PRKG2: variants seen among roughly 807,000 people sequenced by gnomAD.
PRKG2 encodes protein kinase cGMP-dependent 2, also known as cGMP-dependent protein kinase 2.
A neutral mutation model predicts 97.2 loss-of-function variants in PRKG2; 33 were observed. The ratio of observed to expected loss-of-function variants is 0.34; its 90% CI spans 0.26 to 0.45. The LOEUF (loss-of-function observed/expected upper bound fraction) is 0.45, where lower values mean the gene tolerates loss of function less well. Ranked by LOEUF, PRKG2 falls within the 20% of genes least tolerant of loss-of-function variation. The pLI, the probability that PRKG2 is intolerant of heterozygous loss-of-function variation, is 1.00. For synonymous variants in PRKG2, 330 were observed against 321.8 expected (o/e 1.03, Z -0.27); for missense variants, 638 against 900.0 (o/e 0.71, Z 3.73).
At chr4:81,141,332 C>A (rs1747267398) in intron 11 of PRKG2, among the ~76,000 whole-genome samples, 1 of 152,082 alleles carries the variant, frequency 6.6e-6, no homozygotes, top group Admixed American at 6.6e-5. Flanking sequence ...TCTGTACCAT[C>A]CAATATGGTA....
At chr4:81,107,334 TATC>T (rs1358435053) in intron 15 of PRKG2, among the ~76,000 whole-genome samples, 1 of 152,050 alleles carries the variant, frequency 6.6e-6, no homozygotes, top group Non-Finnish European at 1.5e-5. Flanking sequence ...GAATTGATGG[TATC>T]ATCAAGAGAG....
Position 81,152,598 on chromosome 4 carries a change from C to G in PRKG2, c.991-544G>C, listed in dbSNP as rs560341040. Reference sequence around the variant, plus strand: ...GTTGCCCAGAAAGGCTTAAGAACCCCCCACCCAGCAGGGCCAAACAGAAAA... The same window carrying G: ...GTTGCCCAGAAAGGCTTAAGAACCCGCCACCCAGCAGGGCCAAACAGAAAA... On this transcript the variant is annotated intron_variant, in intron 7 of 18. Transcript: ENST00000264399. 2.6e-5 allele frequency among the ~76,000 whole-genome samples: 4 copies of G among 152,222 alleles called. No individual in the cohort carries two copies. The South Asian group carries it at 8.3e-4, about 32-fold the overall frequency.
intron 15 of PRKG2, 51 bp downstream of exon 15, chr4:81,110,396 TA>T: frequency 6.4e-7 from 1 of 1,556,408 alleles, no homozygotes; most frequent in Non-Finnish European, 8.7e-7. Flanking sequence ...CTAGTTAGGT[TA>T]TTTTTGCATT....
intron 1 of PRKG2, among the ~76,000 whole-genome samples, chr4:81,212,507 C>T (rs62302274): frequency 0.027 from 4,047 of 152,154 alleles, 75 homozygotes; most frequent in African/African-American, 0.051. Context: ...TATACTGTGG[C>T]AACTGGGTAA....
chr4:81,107,502 G>T (rs551589354), intron 15 of PRKG2, among the ~76,000 whole-genome samples: 4 of 151,936 alleles, frequency 2.6e-5, no homozygotes, highest in African/African-American at 7.2e-5. Flanking sequence ...AGTGAAGAGA[G>T]TATTTATTTA....
At chr4:81,091,355 T>C (rs1250830585) in intron 18 of PRKG2, among the ~76,000 whole-genome samples, 3 of 152,142 alleles carry the variant, frequency 2.0e-5, no homozygotes, top group Non-Finnish European at 4.4e-5. Flanking sequence ...TGATCTCGGC[T>C]CACTGCAAGC....
intron 12 of PRKG2, among the ~76,000 whole-genome samples, chr4:81,137,747 A>T (rs764129793): frequency 2.6e-5 from 4 of 152,200 alleles, no homozygotes; most frequent in Admixed American, 6.5e-5. Flanking sequence ...AATGTTATCC[A>T]TTCTTCAGGG....
In PRKG2 at chr4:81,140,646, A is replaced by G. The variant is rs766223783; in HGVS notation, c.1431T>C (p.Val477=). 1.1e-5 allele frequency: 17 copies of G among 1,608,896 alleles called. No individual in the cohort carries two copies. The highest frequency in any genetic ancestry group is 3.3e-5 in the Admixed American group (2 of 59,970). Residue 477 remains valine (V), a synonymous_variant, in exon 12 of 19, where the codon GTT becomes GTC. Transcript: ENST00000264399. ...VELVKVKNEN[V]AFAMKCIRKK... ...TCCTTATACACTTCATAGCAAAAGCAACATTCTCATTTTTTACTTTAACCT... is the reference window on the plus strand; with the variant it reads ...TCCTTATACACTTCATAGCAAAAGCGACATTCTCATTTTTTACTTTAACCT...
chr4:81,130,406 C>T (rs376757333), intron 14 of PRKG2, among the ~76,000 whole-genome samples: 1 of 152,240 alleles, frequency 6.6e-6, no homozygotes, highest in East Asian at 1.9e-4. Context: ...CTGGAGCTCT[C>T]CTGTATGAGA....
chr4:81,098,411 C>T (rs1428634854), intron 17 of PRKG2, among the ~76,000 whole-genome samples: 2 of 152,100 alleles, frequency 1.3e-5, no homozygotes, highest in Admixed American at 1.3e-4. Context: ...TGGAGTAACA[C>T]CTTTAATTTC....
chr4:81,184,169 T>C (rs917211265), intron 2 of PRKG2, among the ~76,000 whole-genome samples: 1 of 152,154 alleles, frequency 6.6e-6, no homozygotes, highest in Admixed American at 6.5e-5. Flanking sequence ...CCTCCTCAAG[T>C]GGGTCCCTGA....
chr4:81,181,513 AACACAATG>A (rs1751410342), intron 2 of PRKG2, among the ~76,000 whole-genome samples: 1 of 151,926 alleles, frequency 6.6e-6, no homozygotes, highest in Non-Finnish European at 1.5e-5. Flanking sequence ...GGAAGAAAAT[AACACAATG>A]ACAGCAGAAA....
At chr4:81,140,792 T>C in intron 11 of PRKG2, 123 bp from the exon 12 acceptor site, 1 of 755,324 alleles carries the variant, frequency 1.3e-6, no homozygotes. Flanking sequence ...CTTATCCCTT[T>C]GAGAACTTTC....
In PRKG2 at chr4:81,190,187, G is replaced by A. The variant is rs116948096; in HGVS notation, c.461+14400C>T. Reference sequence around the variant, plus strand: ...ACCTGACTTCAAACTATTGGACATGGCTATAGTAACCAAAACAGCATGGTA... The same window carrying A: ...ACCTGACTTCAAACTATTGGACATGACTATAGTAACCAAAACAGCATGGTA... On this transcript the variant is annotated intron_variant, in intron 2 of 18. Transcript: ENST00000264399. 3.2e-3 allele frequency among the ~76,000 whole-genome samples: 491 copies of A among 152,244 alleles called. 5 individuals are homozygous for A. Among genetic ancestry groups the A allele is most frequent in the East Asian group, 0.031 (159 of 5,182 alleles).
At chr4:81,213,414 G>A (rs573891357) in intron 1 of PRKG2, among the ~76,000 whole-genome samples, 39 of 152,226 alleles carry the variant, frequency 2.6e-4, no homozygotes, top group Middle Eastern at 3.4e-3. Context: ...CATCAGAAAG[G>A]CCATGCAGAT....
rs113061149 is a variant in PRKG2 at position 81,113,036 on chromosome 4, C to T, written c.1777-2425G>A. On this transcript the variant is annotated intron_variant, in intron 14 of 18. Transcript: ENST00000264399. ...TAAGAGAGCTCTGTAAGCATCCGAG[C>T]GGCAGTCGTGCCACCAAAAGGAAGA... Among the ~76,000 whole-genome samples the T allele has an allele frequency of 4.8e-3, 732 of 152,142 alleles. 8 individuals carry two copies. Among genetic ancestry groups the T allele is most frequent in the African/African-American group, 0.017 (687 of 41,488 alleles).
chr4:81,214,750 C>T (rs901296935), intron 1 of PRKG2, among the ~76,000 whole-genome samples, 186 bp downstream of exon 1: 5 of 152,210 alleles, frequency 3.3e-5, no homozygotes, highest in African/African-American at 1.2e-4. Flanking sequence ...CGCTGCCACA[C>T]CGAGCGAATG....
At chr4:81,216,346 CTG>C (rs1304644545), upstream of PRKG2, among the ~76,000 whole-genome samples, 5 of 144,962 alleles carry the variant, frequency 3.4e-5, no homozygotes, top group Admixed American at 2.8e-4. Flanking sequence ...ATCCCAGAGT[CTG>C]TACATTTTAT....
chr4:81,106,029 C>A, intron 15 of PRKG2, 94 bp from the exon 16 acceptor site: 1 of 1,393,546 alleles, frequency 7.2e-7, no homozygotes. Flanking sequence ...TCCTTCCCTC[C>A]CTTCTTTCAT....
Sources: allele counts gnomAD v4.1 joint callset (sites outside exome capture counted in the v4.1 genomes callset), GRCh38; gene constraint gnomAD v4.1.1; transcripts MANE v1.5; gene names NCBI Gene and HGNC (gene_info 2026-07-23, HGNC 2026-07-21).